The following F8 variants were observed in gnomAD, a reference collection of about 807,000 sequenced individuals.
F8 encodes the protein antihemophilic factor.
F8 carries 12 observed loss-of-function variants against 140.6 expected under a neutral mutation model. The observed-to-expected ratio is 0.09, with a 90% CI of 0.05 to 0.14. F8 has a LOEUF of 0.14. F8 is among the 10% of genes least tolerant of loss of function. F8 has a pLI of 1.00. For missense variants in F8, 1,354 were observed against 1,720.7 expected, an observed-to-expected ratio of 0.79 and a Z score of 3.77; for synonymous variants, 585 against 614.6, an observed-to-expected ratio of 0.95 and a Z score of 0.71.
intron 14 of F8, among the ~76,000 whole-genome samples, chrX:154,923,608 G>A (rs191750480): frequency 7.9e-4 from 89 of 112,274 alleles, no homozygotes; most frequent in African/African-American, 2.7e-3. Context: ...AGGCCAAGGC[G>A]GGCGGATCAT....
intron 12 of F8, among the ~76,000 whole-genome samples, chrX:154,952,692 G>A (rs1017250414): frequency 1.8e-5 from 2 of 110,645 alleles, no homozygotes; most frequent in African/African-American, 3.3e-5. Context: ...ACAGGCGGCC[G>A]CCACCATGCC....
At chrX:154,853,919 C>T (rs1289091894) in intron 25 of F8, among the ~76,000 whole-genome samples, 2 of 111,489 alleles carry the variant, frequency 1.8e-5, no homozygotes, top group Non-Finnish European at 3.8e-5. Context: ...TATTGTTGTA[C>T]AATATACATA....
At chrX:154,865,647 G>T (rs1482765553) in intron 22 of F8, among the ~76,000 whole-genome samples, 1 of 109,292 alleles carries the variant, frequency 9.1e-6, no homozygotes, top group Non-Finnish European at 1.9e-5. Flanking sequence ...AAAACAGACT[G>T]CCATAACTAT....
chrX:154,873,181 T>A (rs192046373), intron 22 of F8, among the ~76,000 whole-genome samples: 24 of 107,090 alleles, frequency 2.2e-4, no homozygotes, highest in Admixed American at 8.0e-4. Flanking sequence ...AAAAAAAAAA[T>A]TTTAATTAAT....
intron 7 of F8, among the ~76,000 whole-genome samples, chrX:154,967,568 C>T (rs1003488781): frequency 1.8e-5 from 2 of 111,339 alleles, no homozygotes; most frequent in Admixed American, 1.9e-4. Context: ...CAGTCTGCAT[C>T]GAAAAACAAA....
At chrX:154,972,707 CTTTTTTT>C (rs1184930129) in intron 6 of F8, among the ~76,000 whole-genome samples, 2,759 of 55,260 alleles carry the variant, frequency 0.05, 123 homozygotes, top group African/African-American at 0.17. Flanking sequence ...TTCTGTCTTT[CTTTTTTT>C]TTTTTTTTTT....
chrX:154,991,269 G>T (rs2073586553), intron 4 of F8, among the ~76,000 whole-genome samples: 1 of 111,976 alleles, frequency 8.9e-6, no homozygotes, highest in African/African-American at 3.2e-5. Context: ...CAGAGGGTTT[G>T]TCCTGGAGCT....
chrX:154,979,293 G>A (rs1432811377), intron 6 of F8, among the ~76,000 whole-genome samples: 2 of 111,696 alleles, frequency 1.8e-5, no homozygotes, highest in African/African-American at 6.5e-5. Flanking sequence ...GGCAGTAGTG[G>A]CAGGTTGAGT....
rs782119159 is a variant in F8, at chrX:154,930,972, G to C, written c.2818C>G (p.Leu940Val). ...AGGGGAGATGACTTTTTGCCAAATA[G>C]AGTGGTATCTAATTGACTATCATAA... ...VHYDSQLDTT[L>V]FGKKSSPLTE... The change falls in exon 14 of 26, where the codon CTA becomes GTA. Residue 940 changes from leucine (L) to valine (V), a missense_variant. By Grantham distance (32) the Leu-to-Val change is conservative. Coordinates refer to ENST00000360256, the MANE Select transcript of F8 (RefSeq NM_000132.4). The C allele has an allele frequency of 8.4e-7, 1 of 1,194,978 alleles. No individual in the cohort carries two copies. Among genetic ancestry groups the C allele is most frequent in the Non-Finnish European group, 1.1e-6 (1 of 887,729 alleles).
intron 1 of F8, among the ~76,000 whole-genome samples, chrX:155,020,432 A>G (rs1362223528): frequency 8.9e-6 from 1 of 112,336 alleles, no homozygotes; most frequent in Non-Finnish European, 1.9e-5. Context: ...AAAATCTGGG[A>G]GATTACACGT....
chrX:154,838,156 C>G (rs1569559199), intron 25 of F8, among the ~76,000 whole-genome samples: 1 of 112,369 alleles, frequency 8.9e-6, no homozygotes. Context: ...ATTAGATAAA[C>G]TGGTTTCGCA....
intron 13 of F8, among the ~76,000 whole-genome samples, chrX:154,945,935 C>G (rs2073301400): frequency 9.0e-6 from 1 of 111,587 alleles, no homozygotes; most frequent in African/African-American, 3.3e-5. Context: ...AGTAGCATTT[C>G]TATATACCAA....
At chrX:154,940,626 C>G (rs1158748355) in intron 13 of F8, among the ~76,000 whole-genome samples, 1 of 111,914 alleles carries the variant, frequency 8.9e-6, no homozygotes, top group Non-Finnish European at 1.9e-5. Context: ...CCAAATCTAG[C>G]AAGGCAGGCC....
At chrX:154,864,170 C>T (rs377225627) in intron 22 of F8, among the ~76,000 whole-genome samples, 40 of 112,581 alleles carry the variant, frequency 3.6e-4, no homozygotes, top group African/African-American at 1.3e-3. Flanking sequence ...TCCACACTTA[C>T]CTGTGCCCCC....
intron 22 of F8, among the ~76,000 whole-genome samples, chrX:154,875,297 C>A (rs781800678): frequency 9.0e-6 from 1 of 110,940 alleles, no homozygotes; most frequent in African/African-American, 3.3e-5. Flanking sequence ...ATCTAATGTA[C>A]GATATAGTAA....
At chrX:154,893,243 G>A (rs146055239) in intron 22 of F8, among the ~76,000 whole-genome samples, 14,331 of 111,626 alleles carry the variant, frequency 0.13, 783 homozygotes, top group South Asian at 0.35. Flanking sequence ...CCTAAAATGC[G>A]TAAAACCAAG....
At position 154,905,041 on chromosome X, in the gene F8, C is replaced by CA. The variant is rs782086610; in HGVS notation, c.5374-19dup. 33,984 of 839,069 alleles carry CA rather than the reference C, an allele frequency of 0.041. 19 individuals carry two copies. The highest frequency in any genetic ancestry group is 0.047 in the Non-Finnish European group (28,791 of 608,589). 69.1% of individuals were successfully genotyped at this position (839,069 alleles called of 1,213,427 possible). ...AAAGTTACCTGTAGAACAATAACGACAAAAAAAAAAAAGCAAGAATAATCT... is the reference window on the plus strand; with the variant it reads ...AAAGTTACCTGTAGAACAATAACGACAAAAAAAAAAAAAGCAAGAATAATCT... On this transcript the variant is annotated intron_variant, in intron 15 of 25. Coordinates refer to ENST00000360256, the MANE Select transcript of F8 (RefSeq NM_000132.4).
In F8 at chrX:154,863,307, T is replaced by G; in HGVS notation, c.6430-80A>C. 3 of 974,307 alleles carry G rather than the reference T, an allele frequency of 3.1e-6. No homozygotes were observed. In the South Asian group the frequency reaches 5.8e-5, roughly 19 times the overall value. The allele number at this position is 974,307 out of a possible 1,213,427, so 80.3% of individuals were successfully genotyped here. On this transcript the variant is annotated intron_variant, in intron 22 of 25. Coordinates refer to ENST00000360256, the MANE Select transcript of F8 (RefSeq NM_000132.4). ...ATTTCTGTCAATCATATCTTCCTTCTAATTTGCTTTGTGCGTTTCTCAACA... is the reference window on the plus strand; with the variant it reads ...ATTTCTGTCAATCATATCTTCCTTCGAATTTGCTTTGTGCGTTTCTCAACA...
chrX:154,869,152 C>G (rs900586240), intron 22 of F8, among the ~76,000 whole-genome samples: 3 of 111,241 alleles, frequency 2.7e-5, no homozygotes, highest in Non-Finnish European at 5.7e-5. Context: ...AGAAAATTAA[C>G]AAGGATATTC....
Sources: gnomAD v4.1 joint callset for allele counts (sites outside exome capture counted in the v4.1 genomes callset) on GRCh38, gnomAD v4.1.1 for gene constraint, MANE v1.5 for transcripts, NCBI Gene and HGNC (gene_info 2026-07-23, HGNC 2026-07-21) for gene names.